PRKAR1B: variants seen among roughly 807,000 people sequenced by gnomAD.
PRKAR1B encodes the protein protein kinase cAMP-dependent type I regulatory subunit beta, also known as cAMP-dependent protein kinase type I-beta regulatory subunit.
A neutral mutation model predicts 46.5 loss-of-function variants in PRKAR1B; 22 were observed. The ratio of observed to expected loss-of-function variants is 0.47; its 90% CI spans 0.34 to 0.68. The LOEUF (loss-of-function observed/expected upper bound fraction) is 0.68. Among genes scored for constraint, PRKAR1B ranks in the 30% least tolerant of loss-of-function variants. The pLI, the probability that PRKAR1B is intolerant of heterozygous loss-of-function variation, is 0.01. For synonymous variants in PRKAR1B, 259 were observed against 217.7 expected (o/e 1.19, Z -1.67); for missense variants, 445 against 535.6 (o/e 0.83, Z 1.67).
At chr7:630,016 C>T (rs1299679354) in intron 4 of PRKAR1B, among the ~76,000 whole-genome samples, 3 of 136,740 alleles carry the variant, frequency 2.2e-5, no homozygotes, top group African/African-American at 8.3e-5. Flanking sequence ...CCTCCCAGGG[C>T]GCCACCACCC....
At chr7:692,582 G>A (rs939916789) in intron 2 of PRKAR1B, among the ~76,000 whole-genome samples, 2 of 152,182 alleles carry the variant, frequency 1.3e-5, no homozygotes, top group Non-Finnish European at 2.9e-5. Flanking sequence ...CCAGGGAGTT[G>A]AGAGAGGTTG....
intron 9 of PRKAR1B, chr7:562,103 G>C (rs1392503201): frequency 1.2e-4 from 18 of 152,302 alleles, no homozygotes; most frequent in Admixed American, 1.2e-3. Flanking sequence ...TGGAAGGAAA[G>C]GGGCATGTGG....
At chr7:701,476 A>G (rs1238457080) in intron 2 of PRKAR1B, among the ~76,000 whole-genome samples, 1 of 152,200 alleles carries the variant, frequency 6.6e-6, no homozygotes, top group African/African-American at 2.4e-5. Flanking sequence ...ATTTGAAGAC[A>G]TGATGGTTGA....
At chr7:594,336 A>G (rs1781146445) in intron 7 of PRKAR1B, among the ~76,000 whole-genome samples, 1 of 152,088 alleles carries the variant, frequency 6.6e-6, no homozygotes, top group East Asian at 1.9e-4. Context: ...GGCAACACCC[A>G]CCTGGCTCAA....
intron 8 of PRKAR1B, 53 bp downstream of exon 8, chr7:584,455 A>T: frequency 6.5e-7 from 1 of 1,538,814 alleles, no homozygotes. Context: ...CGGGGTGGCC[A>T]GCAGGCGCCC....
Position 549,636 on chromosome 7 carries a change from C to G in PRKAR1B, c.*794G>C, listed in dbSNP as rs1784050472. On this transcript the variant is annotated 3_prime_UTR_variant, in exon 11 of 11. Transcript: ENST00000537384. The stretch of plus-strand genomic sequence containing the variant: ...GACTTCTGCTTTCCCCCAACATCAA[C>G]TTGCCCTGGGTGGACTTTCTAAGAA... 6.6e-6 allele frequency: 1 copy of G among 152,276 alleles called. No individual in the cohort carries two copies. Among genetic ancestry groups the G allele is most frequent in the African/African-American group, 2.4e-5 (1 of 41,428 alleles). The allele number at this position is 152,276 out of a possible 1,614,324, so 9.4% of individuals were successfully genotyped here.
chr7:692,224 AC>A (rs995485273), intron 2 of PRKAR1B, among the ~76,000 whole-genome samples: 2 of 152,150 alleles, frequency 1.3e-5, no homozygotes, highest in African/African-American at 4.8e-5. Context: ...ACATGGTGAA[AC>A]CCCATCTCTA....
At chr7:633,017 G>A (rs1412949138) in intron 4 of PRKAR1B, among the ~76,000 whole-genome samples, 1 of 152,266 alleles carries the variant, frequency 6.6e-6, no homozygotes, top group Non-Finnish European at 1.5e-5. Context: ...GCGGGTCGTA[G>A]TGAGATCAGC....
chr7:656,162 C>T (rs1785173975), intron 4 of PRKAR1B, among the ~76,000 whole-genome samples: 1 of 151,908 alleles, frequency 6.6e-6, no homozygotes, highest in African/African-American at 2.4e-5. Flanking sequence ...GGATGGGTGC[C>T]TGAGTGAATG....
In PRKAR1B at chr7:718,863, C is replaced by CTTTTTTTTTTTTTTTTTTTT. The variant is rs1165723435; in HGVS notation, c.-22-7356_-22-7337dup. Among the ~76,000 whole-genome samples the CTTTTTTTTTTTTTTTTTTTT allele has an allele frequency of 1.8e-4, 13 of 73,846 alleles. 2 individuals are homozygous for CTTTTTTTTTTTTTTTTTTTT. Among genetic ancestry groups the CTTTTTTTTTTTTTTTTTTTT allele is most frequent in the East Asian group, 4.6e-4 (1 of 2,178 alleles). The allele number at this position is 73,846 out of a possible 152,430, so 48.4% of individuals were successfully genotyped here. On this transcript the variant is annotated intron_variant, in intron 1 of 10. Transcript: ENST00000537384. ...TACAGAACTTCATCTCTTTTATAGG[C>CTTTTTTTTTTTTTTTTTTTT]TTTTTTTTTTTTTTTTTTTTTTTGA... is the stretch of plus-strand genomic sequence containing the variant.
Position 584,390 on chromosome 7 carries a change from C to G in PRKAR1B, c.769+118G>C, listed in dbSNP as rs112829866. On this transcript the variant is annotated intron_variant, in intron 8 of 10. Coordinates refer to ENST00000537384, the MANE Select transcript of PRKAR1B (RefSeq NM_001164760.2). ...CATGCCTGTGTGTTGCACCCCAAAC[C>G]TCCATAATACCAACAACACTCAACT... 2,357 of 824,844 alleles carry G rather than the reference C, an allele frequency of 2.9e-3. 36 individuals are homozygous for G. The African/African-American group carries it at 0.034, about 12-fold the overall frequency. The allele number at this position is 824,844 out of a possible 1,614,324, so 51.1% of individuals were successfully genotyped here. A position where few individuals can be genotyped will look rare whatever the true frequency, so the allele number is the denominator to read the frequency against.
intron 4 of PRKAR1B, among the ~76,000 whole-genome samples, chr7:669,502 A>G (rs1300914920): frequency 6.6e-6 from 1 of 152,048 alleles, no homozygotes; most frequent in Non-Finnish European, 1.5e-5. Context: ...AGTGGCTCAC[A>G]CCTGTAATCC....
At chr7:709,303 G>A (rs1027947283) in intron 2 of PRKAR1B, among the ~76,000 whole-genome samples, 6 of 150,974 alleles carry the variant, frequency 4.0e-5, no homozygotes, top group African/African-American at 1.5e-4. Flanking sequence ...ATGTACGTAT[G>A]TATCCACGTA....
At chr7:609,038 C>G (rs958471878) in intron 4 of PRKAR1B, among the ~76,000 whole-genome samples, 2 of 144,378 alleles carry the variant, frequency 1.4e-5, no homozygotes, top group African/African-American at 4.9e-5. Flanking sequence ...CCACTGTCCT[C>G]CCACCTGGGG....
At chr7:616,506 C>T (rs957094775) in intron 4 of PRKAR1B, among the ~76,000 whole-genome samples, 2 of 152,242 alleles carry the variant, frequency 1.3e-5, no homozygotes, top group Admixed American at 1.3e-4. Context: ...TCCTGCCAGC[C>T]GGCGGGGCTC....
At chr7:710,800 C>T (rs1270042001) in intron 2 of PRKAR1B, among the ~76,000 whole-genome samples, 1 of 152,088 alleles carries the variant, frequency 6.6e-6, no homozygotes, top group Non-Finnish European at 1.5e-5. Context: ...GCCGCCACCA[C>T]ACCCAACTAA....
At chr7:722,529 G>A (rs576521515) in intron 1 of PRKAR1B, among the ~76,000 whole-genome samples, 132 of 136,700 alleles carry the variant, frequency 9.7e-4, no homozygotes, top group Middle Eastern at 4.6e-3. Context: ...GAGCCACCGC[G>A]CCTGGCTAAT....
intron 4 of PRKAR1B, among the ~76,000 whole-genome samples, chr7:670,274 C>A (rs936381392): frequency 4.6e-5 from 7 of 152,168 alleles, no homozygotes; most frequent in African/African-American, 7.2e-5. Context: ...ACTTCATATT[C>A]CTCCTCCCTA....
At chr7:587,811 T>C (rs1010981483) in intron 7 of PRKAR1B, among the ~76,000 whole-genome samples, 7 of 151,912 alleles carry the variant, frequency 4.6e-5, no homozygotes, top group Non-Finnish European at 8.8e-5. Context: ...GGAAGGGAGA[T>C]GGATTGCTGT....
Sources: gnomAD v4.1 joint callset for allele counts (sites outside exome capture counted in the v4.1 genomes callset) on GRCh38, gnomAD v4.1.1 for gene constraint, MANE v1.5 for transcripts, NCBI Gene and HGNC (gene_info 2026-07-23, HGNC 2026-07-21) for gene names.